SYBU: variants seen among roughly 807,000 people sequenced by gnomAD.
SYBU encodes the protein GOLSYN A protein.
SYBU carries 21 observed loss-of-function variants against 35.9 expected under a neutral mutation model. The observed-to-expected ratio is 0.58, with a 90% CI of 0.41 to 0.84. The LOEUF (loss-of-function observed/expected upper bound fraction) is 0.84. SYBU is among the 40% of genes least tolerant of loss of function. SYBU has a pLI of 0.00. For missense variants in SYBU, 768 were observed against 848.2 expected (o/e 0.91, Z 1.17); for synonymous variants, 319 against 324.3 (o/e 0.98, Z 0.18).
intron 1 of SYBU, among the ~76,000 whole-genome samples, chr8:109,671,620 C>T (rs114144541): frequency 0.014 from 2,103 of 152,234 alleles, 52 homozygotes; most frequent in African/African-American, 0.048. Flanking sequence ...TAGTTTTGTT[C>T]AATGTGTTTC....
chr8:109,575,047 G>A lies in SYBU; in HGVS notation c.1851C>T (p.Pro617=), dbSNP rs201410400. 96 of 1,607,920 alleles carry A rather than the reference G, an allele frequency of 6.0e-5. No homozygotes were observed. The African/African-American group carries it at 9.5e-4, about 16-fold the overall frequency. Residue 617 remains proline, a synonymous_variant, in exon 7 of 7, where the codon CCC becomes CCT. Transcript: ENST00000276646. ...FLVDLLAVAA[P]VVPTVLWAFS... The stretch of plus-strand genomic sequence containing the variant: ...ATGCCCACAGAACCGTGGGGACCAC[G>A]GGGGCAGCCACAGCCAGGAGATCCA...
upstream of SYBU, chr8:109,644,906 C>A: frequency 1.8e-6 from 1 of 552,504 alleles, no homozygotes; most frequent in Non-Finnish European, 3.2e-6. Flanking sequence ...GCGCCTCCCA[C>A]GCCCTCCCTC....
chr8:109,604,839 C>T (rs762760720), intron 3 of SYBU, among the ~76,000 whole-genome samples: 8 of 152,188 alleles, frequency 5.3e-5, no homozygotes, highest in Non-Finnish European at 8.8e-5. Context: ...CGGATACAGG[C>T]ATAGCCTTCA....
chr8:109,663,258 CAG>C lies in SYBU; in HGVS notation c.-129+17451_-129+17452del, dbSNP rs1554627397. ...AGGGTCAGTTTAATAAAAATACATA[CAG>C]ATAGATAGATAGATAGATAGATAGA... On this transcript the variant is annotated intron_variant, in intron 1 of 5. Coordinates refer to the SYBU transcript ENST00000408889. Among the ~76,000 whole-genome samples, 52 of 149,142 alleles carry C rather than the reference CAG, an allele frequency of 3.5e-4. 1 individual carries two copies. Among genetic ancestry groups the C allele is most frequent in the African/African-American group, 1.2e-3 (47 of 40,396 alleles).
At chr8:109,680,122 T>A (rs1817347676) in intron 1 of SYBU, 1 of 152,234 alleles carries the variant, frequency 6.6e-6, no homozygotes, top group African/African-American at 2.4e-5. Context: ...ACAAAACAAC[T>A]AGCATATCAC....
chr8:109,629,176 G>A (rs985033550), intron 2 of SYBU, among the ~76,000 whole-genome samples: 4 of 152,170 alleles, frequency 2.6e-5, no homozygotes, highest in Admixed American at 2.0e-4. Context: ...GAATCTTGAC[G>A]TTTATTGGAA....
chr8:109,597,603 A>G (rs1177018864), intron 3 of SYBU, among the ~76,000 whole-genome samples: 1 of 151,546 alleles, frequency 6.6e-6, no homozygotes, highest in Non-Finnish European at 1.5e-5. Flanking sequence ...TAGTCCCACT[A>G]CTCAGGTGAC....
chr8:109,655,316 T>C (rs1200669205), intron 1 of SYBU, among the ~76,000 whole-genome samples: 2 of 152,224 alleles, frequency 1.3e-5, no homozygotes, highest in African/African-American at 4.8e-5. Context: ...ATAAAATGAT[T>C]TTCGGCTTCG....
chr8:109,583,627 G>C (rs1823282417), intron 4 of SYBU, among the ~76,000 whole-genome samples: 2 of 151,978 alleles, frequency 1.3e-5, no homozygotes, highest in South Asian at 4.2e-4. Flanking sequence ...TCACTACATG[G>C]GGAAGCAGCC....
At chr8:109,644,953 C>G, upstream of SYBU, 1 of 525,842 alleles carries the variant, frequency 1.9e-6, no homozygotes, top group Non-Finnish European at 3.5e-6. Context: ...CGCGCCTGGG[C>G]GCGCCCCACC....
At position 109,642,892 on chromosome 8, in the gene SYBU, C is replaced by T. The variant is rs1405679757; in HGVS notation, c.65G>A (p.Arg22Gln). The part of the protein sequence containing the change: ...RVQHHDKEIS[R>Q]SRIPRLILRP... ...AAGAATCAACCGGGGAATTCGGCTT[C>T]GAGAAATCTCCTTGTCATGATGCTG... The change falls in exon 2 of 7, where the codon CGA becomes CAA. Residue 22 changes from arginine to glutamine, a missense_variant. By Grantham distance (43) the Arg-to-Gln change is conservative. Transcript: ENST00000276646. 6.3e-7 allele frequency: 1 copy of T among 1,585,702 alleles called. No homozygotes were observed. Among genetic ancestry groups the T allele is most frequent in the Non-Finnish European group, 8.6e-7 (1 of 1,164,584 alleles).
intron 1 of SYBU, among the ~76,000 whole-genome samples, chr8:109,678,779 T>C (rs1036293980): frequency 6.6e-6 from 1 of 152,136 alleles, no homozygotes; most frequent in Non-Finnish European, 1.5e-5. Context: ...CAATTCTTAC[T>C]AAGGCAGAGG....
rs556289895 is a variant in SYBU at position 109,590,659 on chromosome 8, G to A, written c.428-4497C>T. ...AAATCCAACTATATGAAATGAAACT[G>A]CTTATGGGAAAATAGCAAGGTCAAA... On this transcript the variant is annotated intron_variant, in intron 3 of 6. Coordinates refer to ENST00000276646, the MANE Select transcript of SYBU (RefSeq NM_001099754.2). 5.3e-5 allele frequency among the ~76,000 whole-genome samples: 8 copies of A among 151,754 alleles called. No homozygotes were observed. The East Asian group carries it at 9.7e-4, about 18-fold the overall frequency.
chr8:109,659,237 C>T (rs1381107937), intron 1 of SYBU, among the ~76,000 whole-genome samples: 5 of 152,118 alleles, frequency 3.3e-5, no homozygotes, highest in African/African-American at 9.7e-5. Flanking sequence ...GACAGTCTTG[C>T]TCCAATTCCA....
chr8:109,635,677 T>C (rs1230422322), intron 2 of SYBU, among the ~76,000 whole-genome samples: 1 of 152,214 alleles, frequency 6.6e-6, no homozygotes, highest in Non-Finnish European at 1.5e-5. Context: ...AGTTGGTGTC[T>C]AGACCCATCT....
intron 1 of SYBU, among the ~76,000 whole-genome samples, chr8:109,656,554 C>G (rs11988264): frequency 0.12 from 18,833 of 152,114 alleles, 3,278 homozygotes; most frequent in African/African-American, 0.39. Flanking sequence ...AGGAAATGAA[C>G]CAAACAATAA....
At chr8:109,659,422 G>A (rs1816479905) in intron 1 of SYBU, among the ~76,000 whole-genome samples, 1 of 152,122 alleles carries the variant, frequency 6.6e-6, no homozygotes, top group Admixed American at 6.5e-5. Context: ...AGTGTTGCAG[G>A]GGTAGGGATT....
chr8:109,647,588 A>C (rs964479675), upstream of SYBU: 2 of 152,244 alleles, frequency 1.3e-5, no homozygotes, highest in African/African-American at 2.4e-5. Context: ...TTGACACTCA[A>C]TACATAACTG....
At chr8:109,644,891 C>T (rs1028019747), upstream of SYBU, 2 of 562,994 alleles carry the variant, frequency 3.6e-6, no homozygotes, top group Non-Finnish European at 3.2e-6. Flanking sequence ...GAGGCAGCTC[C>T]TGGGGCGCCT....
Sources: gnomAD v4.1 joint callset for allele counts (sites outside exome capture counted in the v4.1 genomes callset) on GRCh38, gnomAD v4.1.1 for gene constraint, MANE v1.5 for transcripts, NCBI Gene and HGNC (gene_info 2026-07-23, HGNC 2026-07-21) for gene names.